The following STXBP6 variants were observed in gnomAD, a reference collection of about 807,000 sequenced individuals.
STXBP6 encodes the protein syntaxin binding protein 6.
STXBP6 carries 21 observed loss-of-function variants against 26.9 expected under a neutral mutation model. That is an observed-to-expected ratio of 0.78 (90% CI 0.55 to 1.12). The LOEUF (loss-of-function observed/expected upper bound fraction) is 1.12. STXBP6 is among the 50% of genes most tolerant of loss of function. STXBP6 has a pLI of 0.00. For synonymous variants in STXBP6, 97 were observed against 92.6 expected, an observed-to-expected ratio of 1.05 and a Z score of -0.27; for missense variants, 232 against 257.9, an observed-to-expected ratio of 0.90 and a Z score of 0.69.
chr14:24,931,242 G>A (rs1248772682), intron 2 of STXBP6, among the ~76,000 whole-genome samples: 1 of 141,586 alleles, frequency 7.1e-6, no homozygotes, highest in Non-Finnish European at 1.5e-5. Context: ...GTCGTGAGGT[G>A]GGGGGAGGGG....
intron 1 of STXBP6, among the ~76,000 whole-genome samples, chr14:25,009,016 C>T (rs2074970095): frequency 6.6e-6 from 1 of 152,118 alleles, no homozygotes; most frequent in African/African-American, 2.4e-5. Context: ...CACAGAGAGA[C>T]ATGGAGAATT....
chr14:24,849,158 C>CT (rs958498119), intron 4 of STXBP6, among the ~76,000 whole-genome samples: 55 of 152,080 alleles, frequency 3.6e-4, no homozygotes, highest in Middle Eastern at 3.4e-3. Flanking sequence ...TGTATTGATG[C>CT]TTTTATTTTG....
At chr14:24,946,463 T>C (rs1054529573) in intron 2 of STXBP6, among the ~76,000 whole-genome samples, 2 of 152,146 alleles carry the variant, frequency 1.3e-5, no homozygotes, top group African/African-American at 4.8e-5. Flanking sequence ...AAATATGGTA[T>C]GTTTGATGCC....
Position 24,815,174 on chromosome 14 carries a change from C to T in STXBP6, c.610-2442G>A, listed in dbSNP as rs139186776. On this transcript the variant is annotated intron_variant, in intron 5 of 5. Transcript: ENST00000323944. The stretch of plus-strand genomic sequence containing the variant: ...GCTGTATGACCTTGAGCTCTAAAGT[C>T]ACAGCTGCTCCACACCTCAGCCTCC... Among the ~76,000 whole-genome samples, 660 of 152,260 alleles carry T rather than the reference C, an allele frequency of 4.3e-3. 5 individuals carry two copies. Among genetic ancestry groups the T allele is most frequent in the African/African-American group, 0.015 (632 of 41,556 alleles).
rs928987274 is a variant in STXBP6, at chr14:24,951,785, A to C, written c.154+22880T>G. On this transcript the variant is annotated intron_variant, in intron 2 of 5. Transcript: ENST00000323944. ...TAGCCAAACTGTTCAAACAGACAGT[A>C]AGTTCTTTGCTGTATTTTCACTATT... 2.6e-5 allele frequency among the ~76,000 whole-genome samples: 4 copies of C among 152,100 alleles called. No individual in the cohort carries two copies. The East Asian group carries it at 7.7e-4, about 29-fold the overall frequency.
intron 4 of STXBP6, among the ~76,000 whole-genome samples, chr14:24,853,412 C>T (rs2069223024): frequency 6.6e-6 from 1 of 152,106 alleles, no homozygotes; most frequent in Admixed American, 6.6e-5. Context: ...TATGTGCTGC[C>T]AACAAATTAC....
intron 1 of STXBP6, among the ~76,000 whole-genome samples, chr14:25,038,743 T>C (rs2075594095): frequency 6.6e-6 from 1 of 152,048 alleles, no homozygotes; most frequent in Admixed American, 6.6e-5. Flanking sequence ...CAAAATAATC[T>C]GTACAACACA....
chr14:25,021,050 A>T (rs1229489303), intron 1 of STXBP6, among the ~76,000 whole-genome samples: 1 of 152,040 alleles, frequency 6.6e-6, no homozygotes, highest in Non-Finnish European at 1.5e-5. Flanking sequence ...CTCCTCAATG[A>T]CTAGTTCACT....
At chr14:25,036,424 T>C (rs1003193536) in intron 1 of STXBP6, among the ~76,000 whole-genome samples, 8 of 152,116 alleles carry the variant, frequency 5.3e-5, no homozygotes, top group African/African-American at 1.9e-4. Flanking sequence ...CCACTGTCTA[T>C]CTGAAAGCTA....
At chr14:25,019,580 T>A (rs534092732) in intron 1 of STXBP6, among the ~76,000 whole-genome samples, 1 of 152,344 alleles carries the variant, frequency 6.6e-6, no homozygotes, top group South Asian at 2.1e-4. Context: ...TGCTGTAAGC[T>A]ATAAGACATT....
At chr14:24,828,992 C>T (rs2068372856) in intron 4 of STXBP6, among the ~76,000 whole-genome samples, 1 of 152,084 alleles carries the variant, frequency 6.6e-6, no homozygotes, top group Non-Finnish European at 1.5e-5. Context: ...ACATGAGGTT[C>T]CCATGAAGAC....
intron 2 of STXBP6, among the ~76,000 whole-genome samples, chr14:24,946,582 AC>A (rs1372945670): frequency 6.6e-6 from 1 of 152,170 alleles, no homozygotes; most frequent in Admixed American, 6.5e-5. Flanking sequence ...ACACAGGGGT[AC>A]CCCATAACCT....
chr14:24,916,849 T>C (rs902431442), intron 2 of STXBP6, among the ~76,000 whole-genome samples: 6 of 152,106 alleles, frequency 3.9e-5, no homozygotes, highest in Admixed American at 1.3e-4. Context: ...GTGATCTACA[T>C]GCACATTCAA....
intron 1 of STXBP6, among the ~76,000 whole-genome samples, chr14:24,978,590 C>G (rs992877613): frequency 6.6e-6 from 1 of 152,174 alleles, no homozygotes; most frequent in African/African-American, 2.4e-5. Context: ...CCCATGGAAG[C>G]CTTTTCTTTT....
intron 1 of STXBP6, among the ~76,000 whole-genome samples, chr14:25,005,809 A>G (rs369655713): frequency 1.5e-4 from 21 of 137,076 alleles, no homozygotes; most frequent in East Asian, 1.4e-3. Context: ...GAAAAAACTA[A>G]AAAAAAAAAA....
At chr14:24,894,974 C>G (rs1226795215) in intron 2 of STXBP6, among the ~76,000 whole-genome samples, 1 of 151,610 alleles carries the variant, frequency 6.6e-6, no homozygotes, top group Admixed American at 6.6e-5. Flanking sequence ...TTGCCTTGAG[C>G]TTGTCTGGCT....
chr14:24,920,118 CAAA>C (rs1239427646), intron 2 of STXBP6, among the ~76,000 whole-genome samples: 1 of 152,028 alleles, frequency 6.6e-6, no homozygotes, highest in East Asian at 1.9e-4. Context: ...ATCTACGTAT[CAAA>C]AAGCACTACA....
intron 2 of STXBP6, among the ~76,000 whole-genome samples, chr14:24,865,002 A>G (rs913445566): frequency 7.2e-5 from 11 of 152,304 alleles, no homozygotes; most frequent in African/African-American, 2.6e-4. Flanking sequence ...AACCAAGATC[A>G]ACTACATTAT....
intron 2 of STXBP6, among the ~76,000 whole-genome samples, chr14:24,892,492 T>C (rs982530639): frequency 1.3e-5 from 2 of 152,184 alleles, no homozygotes; most frequent in African/African-American, 4.8e-5. Flanking sequence ...GAAGAAATCA[T>C]GGAGTTGCAT....
Sources: allele counts gnomAD v4.1 joint callset (sites outside exome capture counted in the v4.1 genomes callset), GRCh38; gene constraint gnomAD v4.1.1; transcripts MANE v1.5; gene names NCBI Gene and HGNC (gene_info 2026-07-23, HGNC 2026-07-21).